EYA3: variants seen among roughly 807,000 people sequenced by gnomAD.
EYA3 encodes EYA transcriptional coactivator and phosphatase 3.
Under a neutral mutation model 80.0 loss-of-function variants are expected in EYA3, and 39 were observed. That is an observed-to-expected ratio of 0.49 (90% CI 0.38 to 0.64). EYA3 has a LOEUF of 0.64. Among genes scored for constraint, EYA3 ranks in the 30% least tolerant of loss-of-function variants. The pLI, the probability that EYA3 is intolerant of heterozygous loss-of-function variation, is 0.00. For synonymous variants in EYA3, 206 were observed against 232.8 expected (o/e 0.88, Z 1.05); for missense variants, 523 against 676.1 (o/e 0.77, Z 2.51).
rs1180932354 is a variant in EYA3, at chr1:27,973,832, GA to G, written c.*633del. 1 of 152,166 alleles carries G rather than the reference GA, an allele frequency of 6.6e-6. No homozygotes were observed. The highest frequency in any genetic ancestry group is 1.5e-5 in the Non-Finnish European group (1 of 68,030). The allele number at this position is 152,166 out of a possible 1,614,324, so 9.4% of individuals were successfully genotyped here. The stretch of plus-strand genomic sequence containing the variant: ...AGACTTTAAACACCCCTTCTTGCTA[GA>G]AAAAGAAAGTGGGGGAAACCTGCGT... On this transcript the variant is annotated 3_prime_UTR_variant, in exon 18 of 18. Coordinates refer to ENST00000373871, the MANE Select transcript of EYA3 (RefSeq NM_001990.4).
At chr1:28,014,215 G>A (rs909035322) in intron 8 of EYA3, among the ~76,000 whole-genome samples, 2 of 152,024 alleles carry the variant, frequency 1.3e-5, no homozygotes, top group Non-Finnish European at 2.9e-5. Context: ...TCAGGAGTTT[G>A]AGACCAGCCT....
intron 10 of EYA3, among the ~76,000 whole-genome samples, chr1:28,006,180 T>C (rs959632000): frequency 7.2e-5 from 11 of 151,980 alleles, no homozygotes; most frequent in African/African-American, 2.4e-4. Flanking sequence ...GGATGGTTCA[T>C]TCAACATTAA....
intron 6 of EYA3, 64 bp downstream of exon 6, chr1:28,035,480 T>C (rs945239688): frequency 7.6e-6 from 12 of 1,575,392 alleles, no homozygotes; most frequent in Non-Finnish European, 1.0e-5. Context: ...GATGCATGGC[T>C]GATCAAAGTT....
At chr1:27,978,042 C>T (rs1303635357) in intron 17 of EYA3, among the ~76,000 whole-genome samples, 3 of 152,022 alleles carry the variant, frequency 2.0e-5, no homozygotes, top group South Asian at 2.1e-4. Context: ...AGCCTTTTTG[C>T]AGTCAAGTCT....
At chr1:28,060,726 A>G (rs968723210) in intron 1 of EYA3, among the ~76,000 whole-genome samples, 3 of 152,192 alleles carry the variant, frequency 2.0e-5, no homozygotes, top group Admixed American at 6.5e-5. Flanking sequence ...ATTTAGAAGA[A>G]AAGAACTGGC....
At position 27,974,251 on chromosome 1, in the gene EYA3, G is replaced by T; in HGVS notation, c.*215C>A. ...ATTGTGTTCTCGCCAGCATTCCATG[G>T]ATAAAGACAGAGAGAGAGAGAGAGA... On this transcript the variant is annotated 3_prime_UTR_variant, in exon 18 of 18. Coordinates refer to ENST00000373871, the MANE Select transcript of EYA3 (RefSeq NM_001990.4). The T allele has an allele frequency of 2.6e-6, 1 of 377,606 alleles. No individual in the cohort carries two copies. The highest frequency in any genetic ancestry group is 4.4e-5 in the East Asian group (1 of 22,920). 23.4% of individuals were successfully genotyped at this position (377,606 alleles called of 1,614,324 possible).
chr1:28,053,777 C>T (rs950892078), intron 2 of EYA3, among the ~76,000 whole-genome samples: 4 of 152,066 alleles, frequency 2.6e-5, no homozygotes, highest in Non-Finnish European at 5.9e-5. Flanking sequence ...GTGTTATTAC[C>T]ATAGACAGCA....
intron 6 of EYA3, among the ~76,000 whole-genome samples, chr1:28,034,764 G>A (rs951398296): frequency 3.3e-5 from 5 of 152,000 alleles, no homozygotes; most frequent in Non-Finnish European, 7.4e-5. Context: ...TTTCTAATTC[G>A]TAGCTTGATT....
chr1:27,991,820 C>T (rs1640085856), intron 14 of EYA3, among the ~76,000 whole-genome samples: 1 of 152,058 alleles, frequency 6.6e-6, no homozygotes, highest in Non-Finnish European at 1.5e-5. Flanking sequence ...AGGATTCTCA[C>T]ACAGGGTTAC....
rs1641656937 is a variant in EYA3, at chr1:28,011,034, A to G, written c.822T>C (p.Thr274=). 2.5e-6 allele frequency: 4 copies of G among 1,613,966 alleles called. No individual in the cohort carries two copies. Among genetic ancestry groups the G allele is most frequent in the Non-Finnish European group, 3.4e-6 (4 of 1,179,998 alleles). The change falls in exon 10 of 18, where the codon ACT becomes ACC. Residue 274 remains threonine (T), a synonymous_variant. Transcript: ENST00000373871. ...SLSQTTPSKD[T]DDQSRKNMTS... ...TCATGTTTTTCCTGGACTGATCATC[A>G]GTATCTTTACTTGGTGTAGTCTGGG... is the stretch of plus-strand genomic sequence containing the variant.
chr1:27,997,982 G>C (rs1483140220), intron 12 of EYA3, among the ~76,000 whole-genome samples: 5 of 152,142 alleles, frequency 3.3e-5, no homozygotes, highest in African/African-American at 9.7e-5. Context: ...AAAGAGACTA[G>C]AAATAACCCA....
rs991387659 is a variant in EYA3, at chr1:27,972,182, T to C, written c.*2284A>G. On this transcript the variant is annotated 3_prime_UTR_variant, in exon 18 of 18. Transcript: ENST00000373871. ...CGCAGCACAACAGCCGTGGCCTTTGTCCAGGACAAAAACCCAACAGCTATA... is the reference window on the plus strand; with the variant it reads ...CGCAGCACAACAGCCGTGGCCTTTGCCCAGGACAAAAACCCAACAGCTATA... 2.0e-5 allele frequency: 3 copies of C among 152,202 alleles called. No individual in the cohort carries two copies. Among genetic ancestry groups the C allele is most frequent in the Admixed American group, 2.0e-4 (3 of 15,274 alleles). The allele number at this position is 152,202 out of a possible 1,614,324, so 9.4% of individuals were successfully genotyped here.
intron 10 of EYA3, among the ~76,000 whole-genome samples, chr1:28,004,677 T>A (rs1353618477): frequency 6.6e-6 from 1 of 151,890 alleles, no homozygotes; most frequent in Non-Finnish European, 1.5e-5. Flanking sequence ...ATAGCTTATT[T>A]TATATATATG....
rs1314153213 is a variant in EYA3 at position 27,973,632 on chromosome 1, C to T, written c.*834G>A. ...AAAGGGACTGGAAAGAAGACTAAGGCTTCTAGATGGGAAATGCCAAAGTTT... is the reference window on the plus strand; with the variant it reads ...AAAGGGACTGGAAAGAAGACTAAGGTTTCTAGATGGGAAATGCCAAAGTTT... On this transcript the variant is annotated 3_prime_UTR_variant, in exon 18 of 18. Coordinates refer to ENST00000373871, the MANE Select transcript of EYA3 (RefSeq NM_001990.4). 1 of 152,084 alleles carries T rather than the reference C, an allele frequency of 6.6e-6. No homozygotes were observed. The highest frequency in any genetic ancestry group is 6.6e-5 in the Admixed American group (1 of 15,254). The allele number at this position is 152,084 out of a possible 1,614,324, so 9.4% of individuals were successfully genotyped here.
intron 7 of EYA3, among the ~76,000 whole-genome samples, chr1:28,018,744 G>A (rs1205741649): frequency 6.6e-6 from 1 of 152,212 alleles, no homozygotes; most frequent in Non-Finnish European, 1.5e-5. Context: ...CTAGGACAAA[G>A]AAGAATTAAA....
chr1:27,982,266 A>G, intron 16 of EYA3, among the ~76,000 whole-genome samples: 1 of 151,706 alleles, frequency 6.6e-6, no homozygotes, highest in Admixed American at 6.6e-5. Context: ...CCAAAGTGCT[A>G]GGATTACAGG....
At chr1:28,012,824 T>A (rs1446768981) in intron 9 of EYA3, among the ~76,000 whole-genome samples, 1 of 152,170 alleles carries the variant, frequency 6.6e-6, no homozygotes, top group Non-Finnish European at 1.5e-5. Context: ...TATTATAACA[T>A]GCTGAAGCTC....
At chr1:28,076,440 G>A (rs1264451411) in intron 1 of EYA3, among the ~76,000 whole-genome samples, 1 of 151,996 alleles carries the variant, frequency 6.6e-6, no homozygotes, top group Admixed American at 6.6e-5. Context: ...GCCAGGCGTG[G>A]TGGCTCACAC....
chr1:28,052,146 C>G (rs1644273773), intron 2 of EYA3, among the ~76,000 whole-genome samples: 1 of 152,086 alleles, frequency 6.6e-6, no homozygotes, highest in Admixed American at 6.5e-5. Flanking sequence ...GTAGCTGGGA[C>G]TACAGGTGCG....
Sources: gnomAD v4.1 joint callset for allele counts (sites outside exome capture counted in the v4.1 genomes callset) on GRCh38, gnomAD v4.1.1 for gene constraint, MANE v1.5 for transcripts, NCBI Gene and HGNC (gene_info 2026-07-23, HGNC 2026-07-21) for gene names.